CTNNA3: variants seen among roughly 807,000 people sequenced by gnomAD.
CTNNA3 encodes the protein catenin alpha-3.
Under a neutral mutation model 95.7 loss-of-function variants are expected in CTNNA3, and 76 were observed. That is an observed-to-expected ratio of 0.79 (90% CI 0.66 to 0.96). The LOEUF is 0.96. Ranked by LOEUF, CTNNA3 falls within the 40% of genes least tolerant of loss-of-function variation. CTNNA3 has a pLI of 0.00. For synonymous variants in CTNNA3, 431 were observed against 374.4 expected (o/e 1.15, Z -1.74); for missense variants, 1,191 against 1,089.8 (o/e 1.09, Z -1.31).
intron 7 of CTNNA3, among the ~76,000 whole-genome samples, chr10:67,077,195 A>T (rs1856788714): frequency 6.6e-6 from 1 of 152,146 alleles, no homozygotes. Context: ...ATCTTCCAGT[A>T]GCCTTTGAAC....
intron 11 of CTNNA3, among the ~76,000 whole-genome samples, chr10:66,394,793 T>G (rs1306227198): frequency 6.6e-6 from 1 of 152,010 alleles, no homozygotes; most frequent in Non-Finnish European, 1.5e-5. Flanking sequence ...CAGAACAACT[T>G]GAGTGTCCAA....
At chr10:66,240,843 GTTT>G (rs1297775193) in intron 13 of CTNNA3, among the ~76,000 whole-genome samples, 1 of 151,928 alleles carries the variant, frequency 6.6e-6, no homozygotes, top group African/African-American at 2.4e-5. Flanking sequence ...AACCTCAAAA[GTTT>G]TTTAAGTAAT....
chr10:67,081,321 A>G (rs1037875754), intron 7 of CTNNA3, among the ~76,000 whole-genome samples: 1 of 152,216 alleles, frequency 6.6e-6, no homozygotes, highest in African/African-American at 2.4e-5. Flanking sequence ...GTAGAAAAAG[A>G]AAGGACATGA....
At chr10:66,388,574 T>A (rs1362090386) in intron 11 of CTNNA3, among the ~76,000 whole-genome samples, 1 of 152,052 alleles carries the variant, frequency 6.6e-6, no homozygotes, top group Non-Finnish European at 1.5e-5. Flanking sequence ...AATTAAATAA[T>A]CCTGTCTGAG....
At chr10:66,344,572 T>C (rs1415312173) in intron 12 of CTNNA3, among the ~76,000 whole-genome samples, 1 of 152,002 alleles carries the variant, frequency 6.6e-6, no homozygotes, top group Non-Finnish European at 1.5e-5. Context: ...CAGCCTGTAG[T>C]GTGTATTTTT....
At chr10:66,618,197 T>G (rs369728428) in intron 10 of CTNNA3, among the ~76,000 whole-genome samples, 1 of 151,780 alleles carries the variant, frequency 6.6e-6, no homozygotes, top group African/African-American at 2.4e-5. Flanking sequence ...CTTCACAGAA[T>G]TGGAAAAAAC....
At chr10:67,161,198 A>G (rs531223933) in intron 7 of CTNNA3, among the ~76,000 whole-genome samples, 1 of 152,282 alleles carries the variant, frequency 6.6e-6, no homozygotes, top group Admixed American at 6.5e-5. Flanking sequence ...TTTTGTCACA[A>G]TAAATAAATT....
chr10:66,200,381 TGAA>T (rs1339553821), intron 13 of CTNNA3, among the ~76,000 whole-genome samples: 1 of 152,148 alleles, frequency 6.6e-6, no homozygotes, highest in African/African-American at 2.4e-5. Flanking sequence ...GAACAGTTTC[TGAA>T]GCATGAACAA....
At chr10:66,403,260 A>G (rs2093033582) in intron 11 of CTNNA3, among the ~76,000 whole-genome samples, 1 of 152,114 alleles carries the variant, frequency 6.6e-6, no homozygotes, top group Non-Finnish European at 1.5e-5. Flanking sequence ...CCCTGCAATG[A>G]AAGCCTTTCT....
chr10:67,034,592 A>G (rs890703269), intron 7 of CTNNA3, among the ~76,000 whole-genome samples: 2 of 152,094 alleles, frequency 1.3e-5, no homozygotes, highest in Non-Finnish European at 2.9e-5. Context: ...CCATCATCCA[A>G]ATTCAGGTCT....
chr10:67,122,699 T>C (rs919263874), intron 7 of CTNNA3, among the ~76,000 whole-genome samples: 4 of 152,142 alleles, frequency 2.6e-5, no homozygotes, highest in Non-Finnish European at 5.9e-5. Flanking sequence ...AGGGATGTCT[T>C]TGTGAGCCAA....
intron 7 of CTNNA3, among the ~76,000 whole-genome samples, chr10:66,845,575 C>A (rs574560501): frequency 6.6e-6 from 1 of 151,290 alleles, no homozygotes; most frequent in Non-Finnish European, 1.5e-5. Context: ...TGGTGACAGG[C>A]GCCTGTAATC....
chr10:67,403,817 A>G (rs1422908404), intron 5 of CTNNA3, among the ~76,000 whole-genome samples: 1 of 152,236 alleles, frequency 6.6e-6, no homozygotes, highest in Non-Finnish European at 1.5e-5. Flanking sequence ...TCAGGCTGGC[A>G]ACAGGTCAGT....
intron 3 of CTNNA3, among the ~76,000 whole-genome samples, chr10:67,572,647 A>G (rs933797488): frequency 6.6e-6 from 1 of 152,210 alleles, no homozygotes; most frequent in African/African-American, 2.4e-5. Context: ...GCAGTTAAGC[A>G]TGAAACTCAC....
intron 10 of CTNNA3, among the ~76,000 whole-genome samples, chr10:66,557,104 A>G (rs1842414826): frequency 6.6e-6 from 1 of 152,002 alleles, no homozygotes; most frequent in African/African-American, 2.4e-5. Flanking sequence ...CATTGCTTTC[A>G]TGACTTGCTC....
intron 2 of CTNNA3, among the ~76,000 whole-genome samples, chr10:67,635,670 CA>C (rs1411918251): frequency 6.6e-6 from 1 of 151,916 alleles, no homozygotes; most frequent in Non-Finnish European, 1.5e-5. Flanking sequence ...GAATATACCT[CA>C]AAAAAATAAC....
intron 13 of CTNNA3, among the ~76,000 whole-genome samples, chr10:66,160,843 T>G (rs2084805516): frequency 6.6e-6 from 1 of 152,184 alleles, no homozygotes; most frequent in African/African-American, 2.4e-5. Context: ...AGTAATTGTT[T>G]TATAAATTTG....
At chr10:66,325,936 C>T (rs1172621631) in intron 12 of CTNNA3, among the ~76,000 whole-genome samples, 1 of 152,066 alleles carries the variant, frequency 6.6e-6, no homozygotes, top group Non-Finnish European at 1.5e-5. Flanking sequence ...CAGCCAAAAT[C>T]ACACTTAACC....
intron 12 of CTNNA3, among the ~76,000 whole-genome samples, chr10:66,283,306 C>A (rs1185948339): frequency 6.6e-6 from 1 of 151,762 alleles, no homozygotes; most frequent in Admixed American, 6.6e-5. Flanking sequence ...TAACTTTATT[C>A]ATAGTCATCC....
Sources: gnomAD v4.1 joint callset for allele counts (sites outside exome capture counted in the v4.1 genomes callset) on GRCh38, gnomAD v4.1.1 for gene constraint, MANE v1.5 for transcripts, NCBI Gene and HGNC (gene_info 2026-07-23, HGNC 2026-07-21) for gene names.